GARNL3: variants seen among roughly 807,000 people sequenced by gnomAD.
The protein encoded by GARNL3 is GTPase-activating Rap/Ran-GAP domain-like protein 3.
GARNL3 carries 63 observed loss-of-function variants against 125.0 expected under a neutral mutation model. That is an observed-to-expected ratio of 0.50 (90% CI 0.41 to 0.62). GARNL3 has a LOEUF of 0.62. Among genes scored for constraint, GARNL3 ranks in the 20% least tolerant of loss-of-function variants. The pLI, the probability that GARNL3 is intolerant of heterozygous loss-of-function variation, is 0.00. For synonymous variants in GARNL3, 439 were observed against 457.5 expected (o/e 0.96, Z 0.52); for missense variants, 994 against 1,244.0 (o/e 0.80, Z 3.02).
At chr9:127,281,189 G>C (rs2064093639) in intron 1 of GARNL3, among the ~76,000 whole-genome samples, 1 of 152,112 alleles carries the variant, frequency 6.6e-6, no homozygotes, top group Admixed American at 6.5e-5. Flanking sequence ...TGGGTTATGA[G>C]GTAAGGTAGG....
intron 1 of GARNL3, among the ~76,000 whole-genome samples, chr9:127,236,272 A>C (rs2131149639): frequency 6.6e-6 from 1 of 152,372 alleles, no homozygotes; most frequent in Admixed American, 6.5e-5. Flanking sequence ...ATGTCAAAGC[A>C]TCTATAAGTT....
rs570825928 is a variant in GARNL3, at chr9:127,392,728, G to A, written c.2871-355G>A. Among the ~76,000 whole-genome samples, 3 of 152,356 alleles carry A rather than the reference G, an allele frequency of 2.0e-5. No individual in the cohort carries two copies. In the South Asian group the frequency reaches 6.2e-4, roughly 32 times the overall value. On this transcript the variant is annotated intron_variant, in intron 27 of 27. Coordinates refer to ENST00000373387, the MANE Select transcript of GARNL3 (RefSeq NM_032293.5). The surrounding 1 kb of genome is among the most constrained non-coding windows in gnomAD (Gnocchi z 5.2). The stretch of plus-strand genomic sequence containing the variant: ...TCAGGGGTGCCCTGGGAGGCTGGAG[G>A]GATCACAGGCCTAGTCCCGGAACCT...
At chr9:127,300,389 T>C in intron 2 of GARNL3, 1 of 351,606 alleles carries the variant, frequency 2.8e-6, no homozygotes, top group Middle Eastern at 9.7e-4. Context: ...CCCTTTCACC[T>C]CTCTTTTGTA....
chr9:127,299,089 G>A (rs1251092085), intron 2 of GARNL3, among the ~76,000 whole-genome samples: 1 of 152,086 alleles, frequency 6.6e-6, no homozygotes, highest in Non-Finnish European at 1.5e-5. Flanking sequence ...GGCTGAGGCG[G>A]GTGGATCACG....
At chr9:127,343,839 G>A (rs1398042171) in intron 14 of GARNL3, among the ~76,000 whole-genome samples, 1 of 152,186 alleles carries the variant, frequency 6.6e-6, no homozygotes, top group East Asian at 1.9e-4. Context: ...CCACAAGGCT[G>A]CAGATTTGCA....
intron 17 of GARNL3, among the ~76,000 whole-genome samples, chr9:127,351,209 C>T (rs1221510417): frequency 6.6e-6 from 1 of 152,074 alleles, no homozygotes; most frequent in East Asian, 1.9e-4. Flanking sequence ...ATTTGAGTTG[C>T]CTCTATTTTT....
intron 17 of GARNL3, chr9:127,353,572 C>T (rs1050412674): frequency 2.1e-5 from 6 of 282,916 alleles, no homozygotes; most frequent in Admixed American, 5.7e-5. Context: ...CTTTGATGAA[C>T]AAAAATAGCG....
intron 1 of GARNL3, among the ~76,000 whole-genome samples, chr9:127,270,455 G>A (rs114143472): frequency 6.6e-4 from 100 of 152,152 alleles, no homozygotes; most frequent in African/African-American, 2.3e-3. Flanking sequence ...CTTTCATGCC[G>A]CTTCCTCACT....
chr9:127,229,848 C>T (rs1285544092), intron 1 of GARNL3, among the ~76,000 whole-genome samples: 1 of 152,228 alleles, frequency 6.6e-6, no homozygotes, highest in Non-Finnish European at 1.5e-5. Context: ...GCCATATTTA[C>T]CTAAGCATCT....
chr9:127,344,010 G>A (rs1037543289), intron 14 of GARNL3, among the ~76,000 whole-genome samples: 27 of 152,038 alleles, frequency 1.8e-4, no homozygotes, highest in Admixed American at 7.9e-4. Flanking sequence ...TTTCAAAGCC[G>A]TGTCCTCAGC....
chr9:127,319,444 T>G (rs2065334578), intron 5 of GARNL3, among the ~76,000 whole-genome samples: 1 of 151,880 alleles, frequency 6.6e-6, no homozygotes, highest in Non-Finnish European at 1.5e-5. Context: ...ACCATGCTAT[T>G]GCACTCTAAC....
intron 17 of GARNL3, among the ~76,000 whole-genome samples, chr9:127,351,525 T>G (rs146746775): frequency 6.6e-6 from 1 of 152,334 alleles, no homozygotes; most frequent in East Asian, 1.9e-4. Flanking sequence ...TTTCTTGTTG[T>G]GCTTTTAAGC....
chr9:127,369,390 C>CTG (rs932381383), intron 22 of GARNL3, among the ~76,000 whole-genome samples: 60 of 152,350 alleles, frequency 3.9e-4, no homozygotes, highest in African/African-American at 1.4e-3. Context: ...CAAGAAAGAG[C>CTG]TGTGCCTGGA....
intron 25 of GARNL3, chr9:127,388,406 G>A (rs1469166033): frequency 6.4e-6 from 1 of 157,190 alleles, no homozygotes; most frequent in Non-Finnish European, 1.4e-5. Flanking sequence ...TTCCTTCAGG[G>A]CTGTTAACAG....
chr9:127,225,737 G>A (rs1260036632), intron 1 of GARNL3, among the ~76,000 whole-genome samples: 1 of 151,338 alleles, frequency 6.6e-6, no homozygotes, highest in Non-Finnish European at 1.5e-5. Context: ...TCACCCCTCC[G>A]TCCACTGGAG....
chr9:127,338,353 G>A (rs1449601692), intron 12 of GARNL3, among the ~76,000 whole-genome samples, 192 bp downstream of exon 12: 1 of 152,140 alleles, frequency 6.6e-6, no homozygotes, highest in Non-Finnish European at 1.5e-5. Context: ...TTCCATGAAG[G>A]AGACCTAGGG....
chr9:127,240,729 C>A (rs1467434646), intron 1 of GARNL3, among the ~76,000 whole-genome samples: 6 of 152,034 alleles, frequency 3.9e-5, no homozygotes, highest in Admixed American at 3.9e-4. Flanking sequence ...ATAGGGAGAC[C>A]CATGTCTATA....
chr9:127,344,661 G>A (rs963279216), intron 15 of GARNL3, among the ~76,000 whole-genome samples: 1 of 152,216 alleles, frequency 6.6e-6, no homozygotes, highest in African/African-American at 2.4e-5. Flanking sequence ...TCTGAAGAGT[G>A]AGGAGCCGAT....
intron 9 of GARNL3, 91 bp downstream of exon 9, chr9:127,333,212 G>A: frequency 2.0e-6 from 2 of 986,788 alleles, no homozygotes; most frequent in Non-Finnish European, 3.2e-6. Context: ...AGAGAAGGGG[G>A]AAGGGATGGA....
Sources: gnomAD v4.1 joint callset for allele counts (sites outside exome capture counted in the v4.1 genomes callset) on GRCh38, gnomAD v4.1.1 for gene constraint, Gnocchi (gnomAD v3.1) non-coding constraint, MANE v1.5 for transcripts, NCBI Gene and HGNC (gene_info 2026-07-23, HGNC 2026-07-21) for gene names.